The following NMS variants were observed in gnomAD, a reference collection of about 807,000 sequenced individuals.
NMS encodes neuromedin-S.
NMS carries 30 observed loss-of-function variants against 32.2 expected under a neutral mutation model. The ratio of observed to expected loss-of-function variants is 0.93; its 90% CI spans 0.70 to 1.26. The LOEUF is 1.26. Among genes scored for constraint, NMS ranks in the 50% most tolerant of loss-of-function variants. The probability of loss-of-function intolerance (pLI) is 0.00; values close to 1 mark genes in which losing one functional copy is unlikely to be tolerated. For missense variants in NMS, 190 were observed against 186.3 expected (o/e 1.02, Z -0.12); for synonymous variants, 76 against 58.5 (o/e 1.30, Z -1.37).
At chr2:100,478,062 A>G (rs1001778265) in intron 5 of NMS, among the ~76,000 whole-genome samples, 4 of 152,072 alleles carry the variant, frequency 2.6e-5, no homozygotes, top group Non-Finnish European at 4.4e-5. Context: ...CCGGGGTTCA[A>G]GTGATTGTCC....
In NMS at chr2:100,483,267, GAA is replaced by G; in HGVS notation, c.*5_*6del. On this transcript the variant is annotated 3_prime_UTR_variant, in exon 10 of 10. Transcript: ENST00000376865. ...CTTTTTTTAGGATTCAGTGGTGAAA[GAA>G]AGCTGGATCTGATGAGGCCTTCCAG... 6.2e-7 allele frequency: 1 copy of G among 1,611,038 alleles called. No homozygotes were observed. The highest frequency in any genetic ancestry group is 1.3e-5 in the African/African-American group (1 of 74,970).
At chr2:100,476,203 A>G (rs1031527581) in intron 3 of NMS, among the ~76,000 whole-genome samples, 2 of 152,164 alleles carry the variant, frequency 1.3e-5, no homozygotes, top group Non-Finnish European at 2.9e-5. Context: ...ACACACACAC[A>G]CACTGTTGTG....
intron 5 of NMS, among the ~76,000 whole-genome samples, chr2:100,478,185 C>T (rs1677148177): frequency 6.6e-6 from 1 of 152,102 alleles, no homozygotes; most frequent in Admixed American, 6.5e-5. Flanking sequence ...TGGTCTAAAA[C>T]TCCTGACCTC....
chr2:100,470,623 C>T lies in NMS; in HGVS notation c.76+59C>T, dbSNP rs1676990789. ...AAACTCTGAGGATGTCTGAGACAGA[C>T]CTTGATCCCCCAGGGCAGCTCTGGA... On this transcript the variant is annotated intron_variant, in intron 1 of 9. Transcript: ENST00000376865. 3.0e-6 allele frequency: 4 copies of T among 1,339,848 alleles called. No homozygotes were observed. The Admixed American group carries it at 6.7e-5, about 22-fold the overall frequency. The allele number at this position is 1,339,848 out of a possible 1,614,324, so 83.0% of individuals were successfully genotyped here.
At chr2:100,480,943 C>T (rs1677205253) in intron 7 of NMS, among the ~76,000 whole-genome samples, 183 bp from the exon 8 acceptor site, 1 of 152,124 alleles carries the variant, frequency 6.6e-6, no homozygotes, top group Non-Finnish European at 1.5e-5. Flanking sequence ...TTGCTTGGCC[C>T]CACCCCCAAA....
At chr2:100,482,744 G>C (rs1677244055) in intron 9 of NMS, among the ~76,000 whole-genome samples, 1 of 152,136 alleles carries the variant, frequency 6.6e-6, no homozygotes, top group South Asian at 2.1e-4. Context: ...TTCTAAGTAC[G>C]GCCAGGCAAG....
chr2:100,478,586 T>C (rs752784676), intron 5 of NMS, among the ~76,000 whole-genome samples: 3 of 152,276 alleles, frequency 2.0e-5, no homozygotes, highest in Admixed American at 6.5e-5. Context: ...TGCCTTAGCC[T>C]CCCAAGTAGC....
intron 2 of NMS, 66 bp from the exon 3 acceptor site, chr2:100,473,423 C>T (rs1338300704): frequency 3.6e-6 from 3 of 826,386 alleles, no homozygotes; most frequent in East Asian, 2.7e-5. Context: ...TTTGATTACC[C>T]ATTAATCAAT....
At chr2:100,478,354 C>T (rs17024386) in intron 5 of NMS, among the ~76,000 whole-genome samples, 5,739 of 152,268 alleles carry the variant, frequency 0.038, 349 homozygotes, top group African/African-American at 0.13. Flanking sequence ...CTCTCCAAGT[C>T]TTAAGAGGAT....
chr2:100,473,535 C>G lies in NMS; in HGVS notation c.179C>G (p.Pro60Arg). Residue 60 changes from proline (P) to arginine (R), a missense_variant, in exon 3 of 10, where the codon CCT (proline) becomes CGT (arginine). Physicochemically the swap from Pro to Arg is moderately radical, Grantham distance 103. Coordinates refer to ENST00000376865, the MANE Select transcript of NMS (RefSeq NM_001011717.1). ...CAGTGGGCACCTCTTTCTCGCCAAC[C>G]TAAGGTAAAAAAATGTGTATATATA... Reference protein sequence around the residue: ...LSQWAPLSRQPKDNQDIYKRF... With the variant: ...LSQWAPLSRQRKDNQDIYKRF... The G allele has an allele frequency of 7.0e-7, 1 of 1,426,190 alleles. No individual in the cohort carries two copies. Among genetic ancestry groups the G allele is most frequent in the South Asian group, 1.6e-5 (1 of 60,982 alleles). The allele number at this position is 1,426,190 out of a possible 1,614,324, so 88.3% of individuals were successfully genotyped here.
intron 2 of NMS, among the ~76,000 whole-genome samples, chr2:100,473,137 C>A (rs530767870): frequency 1.3e-5 from 2 of 152,018 alleles, no homozygotes; most frequent in Non-Finnish European, 2.9e-5. Context: ...ATCTTTGATT[C>A]GTTGTCTAAA....
At chr2:100,480,881 C>T (rs12623984) in intron 7 of NMS, among the ~76,000 whole-genome samples, 242 of 152,230 alleles carry the variant, frequency 1.6e-3, no homozygotes, top group Non-Finnish European at 2.9e-3. Context: ...CCCCAAACAC[C>T]GGTGGTTCTC....
At chr2:100,481,437 C>A (rs1677213349) in intron 8 of NMS, among the ~76,000 whole-genome samples, 2 of 152,222 alleles carry the variant, frequency 1.3e-5, no homozygotes, top group Non-Finnish European at 2.9e-5. Flanking sequence ...AGACCAGAAT[C>A]TGAGCCCATG....
chr2:100,476,431 T>G (rs1677110594), intron 3 of NMS, among the ~76,000 whole-genome samples: 1 of 152,182 alleles, frequency 6.6e-6, no homozygotes, highest in Admixed American at 6.5e-5. Context: ...ATTGCTCTCT[T>G]CCACTGAAGA....
At chr2:100,477,120 G>A in intron 3 of NMS, 124 bp from the exon 4 acceptor site, 2 of 752,574 alleles carry the variant, frequency 2.7e-6, no homozygotes, top group South Asian at 1.7e-5. Context: ...TTTTTAGATT[G>A]CCAATTTATC....
At chr2:100,471,182 T>C (rs894221094) in intron 1 of NMS, among the ~76,000 whole-genome samples, 2 of 152,170 alleles carry the variant, frequency 1.3e-5, no homozygotes, top group African/African-American at 4.8e-5. Flanking sequence ...TGAGGGTCTG[T>C]GGTTGGAATC....
Position 100,482,330 on chromosome 2 carries a change from G to C in NMS, c.449+19G>C. On this transcript the variant is annotated intron_variant, in intron 9 of 9. Coordinates refer to ENST00000376865, the MANE Select transcript of NMS (RefSeq NM_001011717.1). ...AGGCCCAGTAGGTAGTCCAAGATCA[G>C]CTTCATCACCCTTTTTCTCTTTCAA... 6.2e-7 allele frequency: 1 copy of C among 1,612,380 alleles called. No homozygotes were observed. Among genetic ancestry groups the C allele is most frequent in the Non-Finnish European group, 8.5e-7 (1 of 1,178,488 alleles).
At chr2:100,482,070 G>A (rs1278468931) in intron 8 of NMS, among the ~76,000 whole-genome samples, 1 of 152,216 alleles carries the variant, frequency 6.6e-6, no homozygotes, top group Admixed American at 6.5e-5. Flanking sequence ...CCTAGGAGCA[G>A]TGAGGTTCCT....
intron 5 of NMS, among the ~76,000 whole-genome samples, chr2:100,478,526 G>A (rs1045753928): frequency 2.6e-5 from 4 of 152,022 alleles, no homozygotes; most frequent in Non-Finnish European, 5.9e-5. Context: ...GCAATGGCAC[G>A]ATCTCAGCTC....
Sources: gnomAD v4.1 joint callset for allele counts (sites outside exome capture counted in the v4.1 genomes callset) on GRCh38, gnomAD v4.1.1 for gene constraint, MANE v1.5 for transcripts, NCBI Gene and HGNC (gene_info 2026-07-23, HGNC 2026-07-21) for gene names.